CROCC2: variants seen among roughly 807,000 people sequenced by gnomAD.
CROCC2 encodes the protein ciliary rootlet coiled-coil, rootletin family member 2, also known as ciliary rootlet coiled-coil protein 2.
In CROCC2, 163 loss-of-function variants were observed where a neutral mutation model predicts 177.6. The ratio of observed to expected loss-of-function variants is 0.92; its 90% CI spans 0.81 to 1.05. The LOEUF is 1.05. Ranked by LOEUF, CROCC2 falls within the 50% of genes least tolerant of loss-of-function variation. CROCC2 has a pLI of 0.00. For synonymous variants in CROCC2, 904 were observed against 787.3 expected (o/e 1.15, Z -2.48); for missense variants, 1,929 against 1,797.8 (o/e 1.07, Z -1.32).
intron 21 of CROCC2, 56 bp from the exon 22 acceptor site, chr2:240,964,410 G>T (rs2059662793): frequency 6.5e-7 from 1 of 1,542,806 alleles, no homozygotes; most frequent in Non-Finnish European, 8.8e-7. Context: ...CTGCTGGGCA[G>T]CTGTGCTGGC....
At chr2:240,987,217 C>A (rs926358159) in intron 28 of CROCC2, among the ~76,000 whole-genome samples, 2 of 152,102 alleles carry the variant, frequency 1.3e-5, no homozygotes, top group Admixed American at 1.3e-4. Flanking sequence ...GGACGCAGAG[C>A]CAGCTGTGGG....
chr2:240,968,290 G>C lies in CROCC2; in HGVS notation c.4401+28G>C, dbSNP rs754503888. ...GGGGCAGGCGGCAGGGTGGGTCCCA[G>C]GTGGGGCACAAGAACAAGGCCTCTC... On this transcript the variant is annotated intron_variant, in intron 27 of 31. Coordinates refer to ENST00000690015, the MANE Select transcript of CROCC2 (RefSeq NM_001351305.2). 1.8e-5 allele frequency: 27 copies of C among 1,513,386 alleles called. No individual in the cohort carries two copies. The African/African-American group carries it at 3.2e-4, about 18-fold the overall frequency. The allele number at this position is 1,513,386 out of a possible 1,614,324, so 93.7% of individuals were successfully genotyped here. A position where few individuals can be genotyped will look rare whatever the true frequency, so the allele number is the denominator to read the frequency against.
intron 28 of CROCC2, chr2:240,983,450 A>G: frequency 8.0e-7 from 1 of 1,257,300 alleles, no homozygotes; most frequent in Admixed American, 2.7e-5. Context: ...GCAGAGGCTC[A>G]GCGGCGGGCA....
chr2:240,952,385 T>C (rs969412650), intron 18 of CROCC2, among the ~76,000 whole-genome samples: 4 of 150,924 alleles, frequency 2.7e-5, no homozygotes, highest in African/African-American at 9.7e-5. Flanking sequence ...AGATTTATTG[T>C]CAAACTCTCT....
Position 240,917,946 on chromosome 2 carries a change from A to T in CROCC2, c.79-780A>T, listed in dbSNP as rs1237207946. ...CCCAAGCTGTGCCCCTGCCCGGCAA[A>T]ATGCCATTAGAGCCCAAGACCCTCA... On this transcript the variant is annotated intron_variant, in intron 1 of 31. Coordinates refer to ENST00000690015, the MANE Select transcript of CROCC2 (RefSeq NM_001351305.2). This position sits in a 1 kb window ranked among gnomAD's most constrained non-coding sequence, Gnocchi z 4.9. Among the ~76,000 whole-genome samples the T allele has an allele frequency of 2.0e-5, 3 of 152,082 alleles. No individual in the cohort carries two copies. Among genetic ancestry groups the T allele is most frequent in the African/African-American group, 7.2e-5 (3 of 41,430 alleles).
At chr2:240,943,776 G>T (rs1010330319) in intron 14 of CROCC2, among the ~76,000 whole-genome samples, 2 of 152,066 alleles carry the variant, frequency 1.3e-5, no homozygotes, top group Non-Finnish European at 2.9e-5. Flanking sequence ...CACCAAGCCC[G>T]GCCTAAAGCT....
In CROCC2 at chr2:240,941,493, T is replaced by C. The variant is rs986207623; in HGVS notation, c.2170-4567T>C. On this transcript the variant is annotated intron_variant, in intron 14 of 31. Transcript: ENST00000690015. ...GTATAAAAATAGGCACATAGACCAA[T>C]GAAACAGAATAGAGAACCCAGAAAT... Among the ~76,000 whole-genome samples the C allele has an allele frequency of 2.0e-5, 3 of 152,062 alleles. No homozygotes were observed. The East Asian group carries it at 5.8e-4, about 29-fold the overall frequency.
rs2059543146 is a variant in CROCC2, at chr2:240,949,834, GGA to G, written c.2652+133_2652+134del. ...TAGGCGCCTGGCCAGGGCTGGGCAA[GGA>G]CCAGCTCACTCTTTATAGTTCACGT... is the stretch of plus-strand genomic sequence containing the variant. On this transcript the variant is annotated intron_variant, in intron 17 of 31. Coordinates refer to ENST00000690015, the MANE Select transcript of CROCC2 (RefSeq NM_001351305.2). This position sits in a 1 kb window ranked among gnomAD's most constrained non-coding sequence, Gnocchi z 4.5. The G allele has an allele frequency of 8.7e-6, 8 of 924,232 alleles. No homozygotes were observed. The highest frequency in any genetic ancestry group is 1.3e-5 in the Non-Finnish European group (8 of 621,220). 57.3% of individuals were successfully genotyped at this position (924,232 alleles called of 1,614,324 possible).
intron 4 of CROCC2, among the ~76,000 whole-genome samples, chr2:240,922,917 C>T (rs1343752498): frequency 6.6e-6 from 1 of 152,108 alleles, no homozygotes; most frequent in Admixed American, 6.5e-5. Context: ...AGACCCCAGG[C>T]CGAGTGGAAA....
rs146776452 is a variant in CROCC2 at position 240,964,609 on chromosome 2, G to A, written c.3449G>A (p.Arg1150Gln). The change falls in exon 22 of 32, where the codon CGG (arginine) becomes CAG (glutamine). Residue 1150 changes from arginine to glutamine, a missense_variant. Transcript: ENST00000690015. ...QAGGDARQEL[R>Q]ELHRQVRTLK... ...GGGGGGGACGCCCGTCAGGAGCTCCGGGAACTCCACAGACAGGTAGGGCGG... is the reference window on the plus strand; with the variant it reads ...GGGGGGGACGCCCGTCAGGAGCTCCAGGAACTCCACAGACAGGTAGGGCGG... 1.1e-3 allele frequency: 1,666 copies of A among 1,549,284 alleles called. 27 individuals carry two copies. The African/African-American group carries it at 0.021, about 20-fold the overall frequency.
chr2:240,925,031 C>G lies in CROCC2; in HGVS notation c.489-693C>G, dbSNP rs899277406. Among the ~76,000 whole-genome samples, 4 of 145,580 alleles carry G rather than the reference C, an allele frequency of 2.7e-5. No homozygotes were observed. In the Admixed American group the frequency reaches 2.8e-4, roughly 10 times the overall value. ...ACACTGACCCAGCCCCCACATTAACCCAGCCCTGCACAGCAACCAAGGCCC... is the reference window on the plus strand; with the variant it reads ...ACACTGACCCAGCCCCCACATTAACGCAGCCCTGCACAGCAACCAAGGCCC... On this transcript the variant is annotated intron_variant, in intron 4 of 31. Transcript: ENST00000690015.
chr2:240,992,418 G>A (rs951987535), intron 31 of CROCC2, among the ~76,000 whole-genome samples: 17 of 152,202 alleles, frequency 1.1e-4, no homozygotes, highest in Non-Finnish European at 2.4e-4. Flanking sequence ...GATCACTCTG[G>A]GACTTAAAAT....
chr2:240,967,300 C>T (rs186958319), intron 25 of CROCC2, 45 bp from the exon 26 acceptor site: 1 of 630,122 alleles, frequency 1.6e-6, no homozygotes, highest in African/African-American at 1.8e-5. Flanking sequence ...TGGCCCTCCA[C>T]CCGCCCATTG....
chr2:240,976,240 G>T (rs866421738), intron 27 of CROCC2, among the ~76,000 whole-genome samples: 1 of 105,606 alleles, frequency 9.5e-6, no homozygotes, highest in Non-Finnish European at 2.0e-5. Context: ...TCCCTGCTCA[G>T]TCTCTGGGGT....
Position 240,973,687 on chromosome 2 carries a change from G to A in CROCC2, c.4401+5425G>A, listed in dbSNP as rs11903614. On this transcript the variant is annotated intron_variant, in intron 27 of 31. Coordinates refer to ENST00000690015, the MANE Select transcript of CROCC2 (RefSeq NM_001351305.2). The surrounding 1 kb of genome is among the most constrained non-coding windows in gnomAD (Gnocchi z 4.7). ...GCTAGCAGAGCAGCTTAGGGCCAGC[G>A]GGGCCCACAAGGTGGACACTGAGCC... Among the ~76,000 whole-genome samples, 1,869 of 152,304 alleles carry A rather than the reference G, an allele frequency of 0.012. 33 individuals are homozygous for A. Among genetic ancestry groups the A allele is most frequent in the African/African-American group, 0.04 (1,682 of 41,562 alleles).
rs34418218 is a variant in CROCC2, at chr2:240,911,160, T to C, written c.78+4569T>C. Among the ~76,000 whole-genome samples, 3 of 151,908 alleles carry C rather than the reference T, an allele frequency of 2.0e-5. No homozygotes were observed. The South Asian group carries it at 6.2e-4, about 31-fold the overall frequency. ...AAAATAAAATAAATTTTTAAAAAAA[T>C]TTTTCATTTTTCTTTAAATTGTGGG... On this transcript the variant is annotated intron_variant, in intron 1 of 31. Transcript: ENST00000690015.
chr2:240,922,995 C>G (rs775787240), intron 4 of CROCC2, among the ~76,000 whole-genome samples: 1 of 152,080 alleles, frequency 6.6e-6, no homozygotes, highest in African/African-American at 2.4e-5. Flanking sequence ...CCGTCCCAGC[C>G]TCTGAGAGCG....
rs1329913106 is a variant in CROCC2 at position 240,935,071 on chromosome 2, AGGGCCAGTGGGG to A, written c.1938+10_1938+21del. The A allele has an allele frequency of 3.7e-6, 5 of 1,352,768 alleles. No homozygotes were observed. In the Admixed American group the frequency reaches 1.7e-4, roughly 47 times the overall value. The allele number at this position is 1,352,768 out of a possible 1,614,324, so 83.8% of individuals were successfully genotyped here. On this transcript the variant is annotated intron_variant, in intron 13 of 31. Coordinates refer to ENST00000690015, the MANE Select transcript of CROCC2 (RefSeq NM_001351305.2). ...ACCACCTGGCTCTCCAGGTGAGACA[AGGGCCAGTGGGG>A]CGGGCCTCGCTGGAACCTGTTTCCC...
At chr2:240,925,649 T>A (rs1574752785) in intron 4 of CROCC2, 75 bp from the exon 5 acceptor site, 2 of 632,950 alleles carry the variant, frequency 3.2e-6, no homozygotes, top group South Asian at 3.8e-5. Context: ...TCAAGCCCCT[T>A]GACTTGGGGA....
Sources: gnomAD v4.1 joint callset for allele counts (sites outside exome capture counted in the v4.1 genomes callset) on GRCh38, gnomAD v4.1.1 for gene constraint, Gnocchi (gnomAD v3.1) non-coding constraint, MANE v1.5 for transcripts, NCBI Gene and HGNC (gene_info 2026-07-23, HGNC 2026-07-21) for gene names.